The following DST variants were observed in gnomAD, a reference collection of about 807,000 sequenced individuals.
DST encodes the protein bullous pemphigoid antigen.
A neutral mutation model predicts 875.2 loss-of-function variants in DST; 253 were observed. That is an observed-to-expected ratio of 0.29 (90% CI 0.26 to 0.32). DST has a LOEUF of 0.32. Among genes scored for constraint, DST ranks in the 10% least tolerant of loss-of-function variants. The probability of loss-of-function intolerance (pLI) is 1.00; values close to 1 mark genes in which losing one functional copy is unlikely to be tolerated. For missense variants in DST, 8,287 were observed against 9,111.6 expected, an observed-to-expected ratio of 0.91 and a Z score of 3.68; for synonymous variants, 3,124 against 3,197.1, an observed-to-expected ratio of 0.98 and a Z score of 0.77.
At chr6:56,673,573 G>C (rs1199260097) in intron 9 of DST, among the ~76,000 whole-genome samples, 1 of 152,214 alleles carries the variant, frequency 6.6e-6, no homozygotes, top group East Asian at 1.9e-4. Flanking sequence ...GGATGTTAAA[G>C]GAGTTTAGAG....
chr6:56,724,474 C>T (rs2099437904), intron 5 of DST, among the ~76,000 whole-genome samples: 1 of 152,202 alleles, frequency 6.6e-6, no homozygotes, highest in African/African-American at 2.4e-5. Flanking sequence ...GCTGCTAATG[C>T]TCTTGTAGAA....
chr6:56,881,542 GA>G (rs1377030847), intron 3 of DST, among the ~76,000 whole-genome samples: 1 of 152,042 alleles, frequency 6.6e-6, no homozygotes, highest in East Asian at 1.9e-4. Context: ...ACTGATAAAA[GA>G]ATCAGACAAT....
intron 37 of DST, among the ~76,000 whole-genome samples, chr6:56,612,616 T>C (rs1347020236): frequency 6.6e-6 from 1 of 152,192 alleles, no homozygotes; most frequent in Non-Finnish European, 1.5e-5. Flanking sequence ...TGAAAAGATA[T>C]ATTTTCCCCC....
At chr6:56,486,582 G>T (rs1013855859) in intron 87 of DST, among the ~76,000 whole-genome samples, 1 of 151,952 alleles carries the variant, frequency 6.6e-6, no homozygotes, top group Non-Finnish European at 1.5e-5. Context: ...AATATGTCTT[G>T]GGTTTTCATG....
intron 59 of DST, among the ~76,000 whole-genome samples, chr6:56,557,034 T>G (rs2097433592): frequency 6.6e-6 from 1 of 152,206 alleles, no homozygotes; most frequent in Non-Finnish European, 1.5e-5. Flanking sequence ...AGAAGGCCCT[T>G]TTAACCAGAT....
intron 75 of DST, among the ~76,000 whole-genome samples, chr6:56,508,057 CAG>C (rs1160116729): frequency 6.6e-6 from 1 of 152,122 alleles, no homozygotes; most frequent in African/African-American, 2.4e-5. Context: ...TCTTCTGAGA[CAG>C]GGGCTCACTC....
Position 56,610,532 on chromosome 6 carries a change from T to G in DST, c.5178A>C (p.Glu1726Asp). The G allele has an allele frequency of 6.4e-7, 1 of 1,568,564 alleles. No individual in the cohort carries two copies. Among genetic ancestry groups the G allele is most frequent in the Non-Finnish European group, 8.6e-7 (1 of 1,158,068 alleles). Residue 1726 changes from glutamate (E) to aspartate (D), a missense_variant, in exon 39 of 104, where the codon GAA becomes GAC. Coordinates refer to ENST00000680361, the MANE Select transcript of DST (RefSeq NM_001374736.1). ...TTTCCTGAAGAGTTTTCACTTGTTTTTCCAATTCATTTCTTTCTTCATCTG... is the reference window on the plus strand; with the variant it reads ...TTTCCTGAAGAGTTTTCACTTGTTTGTCCAATTCATTTCTTTCTTCATCTG... ...KMTDEERNEL[E>D]KQVKTLQESY...
chr6:56,703,710 C>CCAAT lies in DST; in HGVS notation c.810_813dup (p.Val272IlefsTer11), dbSNP rs1275223740. 3.7e-5 allele frequency: 36 copies of CCAAT among 985,240 alleles called. No homozygotes were observed. Among genetic ancestry groups the CCAAT allele is most frequent in the Non-Finnish European group, 2.4e-6 (2 of 829,910 alleles). 61.0% of individuals were successfully genotyped at this position (985,240 alleles called of 1,614,324 possible). A position where few individuals can be genotyped will look rare whatever the true frequency, so the allele number is the denominator to read the frequency against. The stretch of plus-strand genomic sequence containing the variant: ...TATTCGCATGCTTCTGTTGCACTCA[C>CCAAT]CAATCGTAAGGTCTTCAAAAAATCT... On this transcript the variant is annotated frameshift_variant, in exon 7 of 104. Coordinates refer to ENST00000680361, the MANE Select transcript of DST (RefSeq NM_001374736.1). LOFTEE classifies it high-confidence loss of function.
chr6:56,584,191 C>G (rs1229517147), intron 49 of DST, among the ~76,000 whole-genome samples: 1 of 151,930 alleles, frequency 6.6e-6, no homozygotes, highest in Admixed American at 6.6e-5. Context: ...GGCAGTATGG[C>G]CATTTTCACG....
In DST at chr6:56,598,696, T is replaced by A. The variant is rs765450170; in HGVS notation, c.11708A>T (p.Asp3903Val). 6.3e-7 allele frequency: 1 copy of A among 1,586,774 alleles called. No homozygotes were observed. The highest frequency in any genetic ancestry group is 1.8e-5 in the Admixed American group (1 of 56,730). The change falls in exon 46 of 104, where the codon GAT becomes GTT. Residue 3903 changes from aspartate (D) to valine (V), a missense_variant. Transcript: ENST00000680361. ...CAATGCCTGTGCACTTCCTTGCATA[T>A]CTTTCTGTAATTCCTTATAACACAA... is the stretch of plus-strand genomic sequence containing the variant. Reference protein sequence around the residue: ...YQSKQEELQKDMQGSAQALAE... With the variant: ...YQSKQEELQKVMQGSAQALAE...
chr6:56,526,169 T>C (rs1037238346), intron 69 of DST, among the ~76,000 whole-genome samples, 192 bp downstream of exon 69: 2 of 152,232 alleles, frequency 1.3e-5, no homozygotes, highest in African/African-American at 2.4e-5. Context: ...CTGTGAACAA[T>C]GTGCAGATTA....
In DST at chr6:56,651,148, T is replaced by C; in HGVS notation, c.1311A>G (p.Arg437=). Residue 437 remains arginine (R), a synonymous_variant, in exon 11 of 104, where the codon AGA becomes AGG. Transcript: ENST00000680361. ...ATAACTCACCTTCAGGGTCCAGAAGTCTTATAACACCAATTTTTTCTGCTA... is the reference window on the plus strand; with the variant it reads ...ATAACTCACCTTCAGGGTCCAGAAGCCTTATAACACCAATTTTTTCTGCTA... The part of the protein sequence containing the change: ...FYVAEKIGVI[R]LLDPEDVDVS... The C allele has an allele frequency of 6.2e-7, 1 of 1,612,538 alleles. No homozygotes were observed. The highest frequency in any genetic ancestry group is 8.5e-7 in the Non-Finnish European group (1 of 1,179,098).
chr6:56,631,941 C>G lies in DST; in HGVS notation c.3905G>C (p.Arg1302Pro), dbSNP rs757291059. The G allele has an allele frequency of 1.2e-6, 2 of 1,613,894 alleles. No individual in the cohort carries two copies. Among genetic ancestry groups the G allele is most frequent in the Non-Finnish European group, 1.7e-6 (2 of 1,179,876 alleles). Residue 1302 changes from arginine (R) to proline (P), a missense_variant, in exon 29 of 104, where the codon CGA (arginine) becomes CCA (proline). This residue lies in a region of DST where 3,138 missense variants were observed against 3,116.6 expected (regional missense o/e 1.01). Transcript: ENST00000680361. ...NCEDRLIRQI[R>P]TPLERDDLHE... ...CAAATCATCTCTTTCCAGGGGAGTT[C>G]GAATCTGTCTAATCAGCCGATCTTC... is the stretch of plus-strand genomic sequence containing the variant.
At chr6:56,731,252 T>C (rs1377538762) in intron 5 of DST, among the ~76,000 whole-genome samples, 1 of 152,152 alleles carries the variant, frequency 6.6e-6, no homozygotes, top group Admixed American at 6.5e-5. Context: ...GATCCTGAAT[T>C]TTCCTTGATA....
chr6:56,557,554 T>A (rs768546378), intron 58 of DST, 36 bp from the exon 59 acceptor site: 1 of 1,531,916 alleles, frequency 6.5e-7, no homozygotes, highest in Non-Finnish European at 8.9e-7. Flanking sequence ...GTTTGACATT[T>A]TTTGCATTTA....
intron 2 of DST, among the ~76,000 whole-genome samples, chr6:56,947,250 CTTTT>C (rs34159658): frequency 7.4e-6 from 1 of 135,488 alleles, no homozygotes; most frequent in Non-Finnish European, 1.6e-5. Flanking sequence ...GCTACTCTCT[CTTTT>C]TTTTTTTTTT....
intron 4 of DST, among the ~76,000 whole-genome samples, chr6:56,847,025 A>T (rs1393936991): frequency 6.6e-6 from 1 of 150,452 alleles, no homozygotes; most frequent in African/African-American, 2.5e-5. Flanking sequence ...AAAAAAAAAA[A>T]AGTGAAGTTG....
intron 4 of DST, among the ~76,000 whole-genome samples, chr6:56,802,030 G>A (rs1379321874): frequency 3.3e-5 from 5 of 152,068 alleles, no homozygotes; most frequent in African/African-American, 9.7e-5. Context: ...GATTACAGGC[G>A]TGAGCCACCA....
At chr6:56,813,375 A>G (rs1349878509) in intron 4 of DST, among the ~76,000 whole-genome samples, 3 of 143,910 alleles carry the variant, frequency 2.1e-5, no homozygotes, top group Non-Finnish European at 3.0e-5. Context: ...CCTAAAACTT[A>G]AAGTATAATA....
Sources: gnomAD v4.1 joint callset for allele counts (sites outside exome capture counted in the v4.1 genomes callset) on GRCh38, gnomAD v4.1.1 for gene constraint, gnomAD v4.1.1 regional missense constraint, MANE v1.5 for transcripts, NCBI Gene and HGNC (gene_info 2026-07-23, HGNC 2026-07-21) for gene names.